The following UAP1 variants were observed in gnomAD, a reference collection of about 807,000 sequenced individuals.
The protein encoded by UAP1 is UDP-N-acetylhexosamine pyrophosphorylase.
UAP1 carries 25 observed loss-of-function variants against 58.5 expected under a neutral mutation model. The observed-to-expected ratio is 0.43, with a 90% CI of 0.31 to 0.60. The LOEUF is 0.60. UAP1 is among the 20% of genes least tolerant of loss of function. The probability of loss-of-function intolerance (pLI) is 0.11; values close to 1 mark genes in which losing one functional copy is unlikely to be tolerated. For synonymous variants in UAP1, 208 were observed against 213.0 expected, an observed-to-expected ratio of 0.98 and a Z score of 0.21; for missense variants, 575 against 630.0, an observed-to-expected ratio of 0.91 and a Z score of 0.93.
chr1:162,583,012 A>G (rs912025942), intron 5 of UAP1, among the ~76,000 whole-genome samples: 7 of 150,624 alleles, frequency 4.6e-5, no homozygotes, highest in South Asian at 2.1e-4. Context: ...CAGACTCACT[A>G]TGTCATCTAG....
At chr1:162,571,669 C>G (rs1281426957) in intron 2 of UAP1, among the ~76,000 whole-genome samples, 1 of 152,052 alleles carries the variant, frequency 6.6e-6, no homozygotes, top group African/African-American at 2.4e-5. Context: ...CTGTGCTGCC[C>G]ATATAAAATT....
intron 5 of UAP1, among the ~76,000 whole-genome samples, chr1:162,583,299 C>T (rs1654714167): frequency 6.6e-6 from 1 of 151,630 alleles, no homozygotes; most frequent in African/African-American, 2.4e-5. Flanking sequence ...ATTATAGGCA[C>T]CCACCACCAG....
chr1:162,583,571 C>T (rs1654732461), intron 5 of UAP1, among the ~76,000 whole-genome samples: 1 of 152,190 alleles, frequency 6.6e-6, no homozygotes, highest in Admixed American at 6.5e-5. Context: ...CAGAGATCAT[C>T]TGGTCAACCC....
intron 2 of UAP1, among the ~76,000 whole-genome samples, chr1:162,570,643 A>C (rs2101745304): frequency 6.6e-6 from 1 of 152,340 alleles, no homozygotes; most frequent in Middle Eastern, 3.4e-3. Context: ...AAACTGGTTC[A>C]GATAGAGATT....
chr1:162,582,667 G>A (rs1199857382), intron 5 of UAP1, among the ~76,000 whole-genome samples: 3 of 152,222 alleles, frequency 2.0e-5, no homozygotes, highest in African/African-American at 7.2e-5. Flanking sequence ...TAATTGTGAT[G>A]CAAAAGGAAG....
intron 3 of UAP1, 84 bp from the exon 4 acceptor site, chr1:162,579,344 T>G (rs1264047949): frequency 1.9e-6 from 2 of 1,041,396 alleles, no homozygotes; most frequent in Middle Eastern, 3.5e-4. Context: ...CAAAGATATC[T>G]TTAGCTTAGG....
chr1:162,572,517 TGA>T (rs1384347538), intron 2 of UAP1, among the ~76,000 whole-genome samples: 1 of 152,202 alleles, frequency 6.6e-6, no homozygotes, highest in Non-Finnish European at 1.5e-5. Flanking sequence ...TTCCTGGGAC[TGA>T]GAGTGAAAGT....
chr1:162,577,052 C>T, intron 3 of UAP1, 71 bp downstream of exon 3: 1 of 1,316,898 alleles, frequency 7.6e-7, no homozygotes, highest in Non-Finnish European at 1.1e-6. Flanking sequence ...TGCATATATA[C>T]TTTATGCACT....
At chr1:162,592,926 G>C in intron 9 of UAP1, 144 bp downstream of exon 9, 2 of 669,330 alleles carry the variant, frequency 3.0e-6, no homozygotes, top group Non-Finnish European at 5.3e-6. Context: ...CTGCTTACTT[G>C]GTGGCAGGTA....
rs1299529506 is a variant in UAP1 at position 162,588,712 on chromosome 1, C to T, written c.1048C>T (p.Gln350Ter). Residue 350 changes from glutamine to a stop codon, truncating the protein, a stop_gained, in exon 7 of 11, where the codon CAG (glutamine) becomes TAG (stop). Transcript: ENST00000271469. LOFTEE classifies it high-confidence loss of function. The stretch of plus-strand genomic sequence containing the variant: ...TCTTAGTGTTTATGAACCTCAGTTG[C>T]AGCACCATGTGGCTCAAAAGAAGAT... The T allele has an allele frequency of 1.2e-6, 2 of 1,610,812 alleles. No individual in the cohort carries two copies. The highest frequency in any genetic ancestry group is 1.7e-6 in the Non-Finnish European group (2 of 1,178,810).
chr1:162,579,586 A>G, exon 4 of UAP1: 1 of 1,594,790 alleles, frequency 6.3e-7, no homozygotes, highest in Admixed American at 1.8e-5. Context: ...GAGAAGAACA[A>G]AGTTTCTATG....
exon 2 of UAP1, chr1:162,566,174 GAGCTCC>G: frequency 6.2e-7 from 1 of 1,614,082 alleles, no homozygotes; most frequent in Non-Finnish European, 8.5e-7. Flanking sequence ...ACTTTATGCA[GAGCTCC>G]AGGCCATGAA....
At chr1:162,597,661 G>A (rs569694669) in intron 9 of UAP1, 131 bp from the exon 10 acceptor site, 80 of 673,282 alleles carry the variant, frequency 1.2e-4, no homozygotes, top group African/African-American at 9.5e-4. Context: ...CATCAGGGTA[G>A]CATCTATTCC....
At chr1:162,566,276 G>C in exon 2 of UAP1, 1 of 1,614,158 alleles carries the variant, frequency 6.2e-7, no homozygotes, top group Non-Finnish European at 8.5e-7. Context: ...TGCACGAATG[G>C]AACCTGTGCC....
intron 3 of UAP1, among the ~76,000 whole-genome samples, chr1:162,577,484 G>A (rs936293653): frequency 4.8e-5 from 6 of 126,254 alleles, no homozygotes; most frequent in African/African-American, 1.2e-4. Flanking sequence ...GGTCTGTCTC[G>A]GTCACCCAGG....
At chr1:162,590,386 T>A (rs1441033506) in exon 8 of UAP1, 3 of 1,613,642 alleles carry the variant, frequency 1.9e-6, no homozygotes, top group African/African-American at 2.7e-5. Flanking sequence ...ATGCTGATAG[T>A]CAGAATGGGA....
At chr1:162,590,624 T>G in intron 8 of UAP1, 113 bp downstream of exon 8, 1 of 796,766 alleles carries the variant, frequency 1.3e-6, no homozygotes. Flanking sequence ...AAGCAAAGTT[T>G]TGATGTGTGA....
chr1:162,597,903 TATATTTC>T, intron 10 of UAP1, 45 bp downstream of exon 10: 1 of 1,504,764 alleles, frequency 6.6e-7, no homozygotes, highest in Non-Finnish European at 9.1e-7. Flanking sequence ...CAAAGCTTTG[TATATTTC>T]AAAATAATGA....
chr1:162,589,198 AT>A (rs1264370058), intron 7 of UAP1, among the ~76,000 whole-genome samples: 8 of 59,630 alleles, frequency 1.3e-4, no homozygotes, highest in East Asian at 4.7e-4. Context: ...TATATTATAT[AT>A]TATATTTAAA....
Sources: allele counts gnomAD v4.1 joint callset (sites outside exome capture counted in the v4.1 genomes callset), GRCh38; gene constraint gnomAD v4.1.1; transcripts MANE v1.5; gene names NCBI Gene and HGNC (gene_info 2026-07-23, HGNC 2026-07-21).